The following CTNND1 variants were observed in gnomAD, a reference collection of about 807,000 sequenced individuals.
CTNND1 encodes catenin delta-1.
A neutral mutation model predicts 112.1 loss-of-function variants in CTNND1; 16 were observed. The ratio of observed to expected loss-of-function variants is 0.14; its 90% CI spans 0.10 to 0.22. CTNND1 has a LOEUF of 0.22. Among genes scored for constraint, CTNND1 ranks in the 10% least tolerant of loss-of-function variants. The pLI is 1.00. For synonymous variants in CTNND1, 420 were observed against 446.5 expected (o/e 0.94, Z 0.75); for missense variants, 1,008 against 1,257.0 (o/e 0.80, Z 3.00).
chr11:57,793,203 C>T (rs2060964066), intron 3 of CTNND1: 1 of 152,098 alleles, frequency 6.6e-6, no homozygotes, highest in Non-Finnish European at 1.5e-5. Context: ...GAAGAGTCTC[C>T]CAAGGTGGTT....
chr11:57,790,710 A>G (rs987698493), intron 2 of CTNND1, among the ~76,000 whole-genome samples: 16 of 149,970 alleles, frequency 1.1e-4, no homozygotes, highest in Admixed American at 6.1e-4. Flanking sequence ...GGCTCCCGCC[A>G]CCACGCCCGG....
Position 57,794,181 on chromosome 11 carries a change from G to A in CTNND1, c.267+100G>A, listed in dbSNP as rs1273012880. The stretch of plus-strand genomic sequence containing the variant: ...TGTCTTGTAAGGTGCCTGGCACATT[G>A]TACATACTCGTCAATTAGTTTCTTT... On this transcript the variant is annotated intron_variant, in intron 4 of 20. Coordinates refer to ENST00000399050, the MANE Select transcript of CTNND1 (RefSeq NM_001085458.2). 7 of 937,100 alleles carry A rather than the reference G, an allele frequency of 7.5e-6. No individual in the cohort carries two copies. The East Asian group carries it at 1.7e-4, about 23-fold the overall frequency. The allele number at this position is 937,100 out of a possible 1,614,324, so 58.0% of individuals were successfully genotyped here. A position where few individuals can be genotyped will look rare whatever the true frequency, so the allele number is the denominator to read the frequency against.
chr11:57,791,251 C>A, intron 2 of CTNND1, 134 bp from the exon 3 acceptor site: 1 of 612,110 alleles, frequency 1.6e-6, no homozygotes, highest in Non-Finnish European at 2.4e-6. Context: ...GATGGGCTCC[C>A]AGGCTTGGCG....
intron 1 of CTNND1, among the ~76,000 whole-genome samples, chr11:57,767,780 G>C (rs1382108867): frequency 6.6e-6 from 1 of 151,888 alleles, no homozygotes; most frequent in African/African-American, 2.4e-5. Context: ...TTTGCTATTA[G>C]AATGGATGCT....
At chr11:57,783,529 G>T (rs2059814644) in intron 1 of CTNND1, among the ~76,000 whole-genome samples, 1 of 151,728 alleles carries the variant, frequency 6.6e-6, no homozygotes, top group Admixed American at 6.6e-5. Flanking sequence ...CGTGTTGGCG[G>T]GCGCCTGTGG....
At chr11:57,796,143 G>A (rs1285610087) in intron 5 of CTNND1, among the ~76,000 whole-genome samples, 4 of 152,024 alleles carry the variant, frequency 2.6e-5, no homozygotes, top group Non-Finnish European at 5.9e-5. Context: ...TCCCAGCCCT[G>A]TGGGAGGCTG....
In CTNND1 at chr11:57,808,073, AACT is replaced by A. The variant is rs2062931825; in HGVS notation, c.1964-91_1964-89del. On this transcript the variant is annotated intron_variant, in intron 12 of 20. Transcript: ENST00000399050. ...GATGGTATAGAAGCATAAATCCATC[AACT>A]GAGAGTACTAAGGCTGGACTCCAGC... The A allele has an allele frequency of 1.5e-6, 2 of 1,372,642 alleles. 1 individual carries two copies. Among genetic ancestry groups the A allele is most frequent in the Non-Finnish European group, 2.0e-6 (2 of 1,011,804 alleles). 85.0% of individuals were successfully genotyped at this position (1,372,642 alleles called of 1,614,324 possible).
At position 57,803,728 on chromosome 11, in the gene CTNND1, C is replaced by T. The variant is rs371477627; in HGVS notation, c.1528C>T (p.Arg510Trp). Reference sequence around the variant, plus strand: ...GATCATTCCTCATTCTGGTTGGGAGCGGGAACCTAATGAAGACTGTAAGCC... The same window carrying T: ...GATCATTCCTCATTCTGGTTGGGAGTGGGAACCTAATGAAGACTGTAAGCC... Reference protein sequence around the residue: ...EVIIPHSGWEREPNEDCKPRH... With the variant: ...EVIIPHSGWEWEPNEDCKPRH... Residue 510 changes from arginine (R) to tryptophan (W), a missense_variant, in exon 8 of 21, where the codon CGG (arginine) becomes TGG (tryptophan). Coordinates refer to ENST00000399050, the MANE Select transcript of CTNND1 (RefSeq NM_001085458.2). 13 of 1,613,340 alleles carry T rather than the reference C, an allele frequency of 8.1e-6. No individual in the cohort carries two copies. Among genetic ancestry groups the T allele is most frequent in the Middle Eastern group, 3.3e-4 (2 of 6,060 alleles).
chr11:57,804,311 CT>C (rs1422190551), intron 8 of CTNND1, among the ~76,000 whole-genome samples: 8 of 152,156 alleles, frequency 5.3e-5, no homozygotes, highest in Admixed American at 2.0e-4. Context: ...TTCCTGAATT[CT>C]TTTTATATCC....
At chr11:57,798,150 C>A (rs939270021) in intron 6 of CTNND1, among the ~76,000 whole-genome samples, 1 of 152,002 alleles carries the variant, frequency 6.6e-6, no homozygotes, top group African/African-American at 2.4e-5. Flanking sequence ...AGATCGAGAT[C>A]ATCCTGGCTA....
intron 1 of CTNND1, among the ~76,000 whole-genome samples, chr11:57,774,823 C>T (rs963790942): frequency 5.9e-5 from 9 of 152,096 alleles, no homozygotes; most frequent in African/African-American, 2.2e-4. Context: ...AAGTGATTCT[C>T]GTGCCTTAGC....
rs1017091111 is a variant in CTNND1, at chr11:57,788,216, C to T, written c.-213-821C>T. 6.6e-6 allele frequency among the ~76,000 whole-genome samples: 1 copy of T among 151,840 alleles called. No homozygotes were observed. The highest frequency in any genetic ancestry group is 1.5e-5 in the Non-Finnish European group (1 of 67,976). On this transcript the variant is annotated intron_variant, in intron 1 of 20. Coordinates refer to ENST00000399050, the MANE Select transcript of CTNND1 (RefSeq NM_001085458.2). The surrounding 1 kb of genome is among the most constrained non-coding windows in gnomAD (Gnocchi z 4.1). ...AAGAAATGGAGATGAAAGGGGAGCA[C>T]CTTTTTTTTTAAAATAAGGGTGCTT... is the stretch of plus-strand genomic sequence containing the variant.
rs1388257798 is a variant in CTNND1 at position 57,795,633 on chromosome 11, T to C, written c.324T>C (p.Ile108=). 1 of 1,608,774 alleles carries C rather than the reference T, an allele frequency of 6.2e-7. No individual in the cohort carries two copies. The highest frequency in any genetic ancestry group is 1.4e-5 in the African/African-American group (1 of 74,072). Reference sequence around the variant, plus strand: ...CCAGGATGCAGGAGCCGGGGCAGATTGTGGAGACCTACACGGAGGAGGATC... The same window carrying C: ...CCAGGATGCAGGAGCCGGGGCAGATCGTGGAGACCTACACGGAGGAGGATC... The part of the protein sequence containing the change: ...TIPRMQEPGQ[I]VETYTEEDPE... Residue 108 remains isoleucine, a synonymous_variant, in exon 5 of 21, where the codon ATT becomes ATC. Transcript: ENST00000399050.
At position 57,809,387 on chromosome 11, in the gene CTNND1, A is replaced by G; in HGVS notation, c.2356A>G (p.Ile786Val). 6.2e-7 allele frequency: 1 copy of G among 1,614,008 alleles called. No homozygotes were observed. The highest frequency in any genetic ancestry group is 8.5e-7 in the Non-Finnish European group (1 of 1,179,854). The change falls in exon 15 of 21, where the codon ATC (isoleucine) becomes GTC (valine). Residue 786 changes from isoleucine to valine, a missense_variant. This residue lies in a region of CTNND1 where 254 missense variants were observed against 279.5 expected (regional missense o/e 0.91). Transcript: ENST00000399050. ...ISILNTINEV[I>V]AENLEAAKKL... The stretch of plus-strand genomic sequence containing the variant: ...TATTTTGAACACTATCAACGAGGTT[A>G]TCGCTGAGAACTTGGAGGCTGCCAA...
intron 14 of CTNND1, 139 bp downstream of exon 14, chr11:57,808,679 A>G (rs879762019): frequency 6.5e-6 from 5 of 772,370 alleles, no homozygotes; most frequent in Non-Finnish European, 9.4e-6. Flanking sequence ...TGAATGCGAG[A>G]GTTGGTAAGG....
intron 11 of CTNND1, 142 bp downstream of exon 11, chr11:57,806,620 C>T: frequency 1.3e-6 from 1 of 755,378 alleles, no homozygotes; most frequent in Non-Finnish European, 2.2e-6. Flanking sequence ...ACAAGTTTAG[C>T]TCTTTGGAGC....
At chr11:57,804,521 C>T in intron 8 of CTNND1, 142 bp from the exon 9 acceptor site, 1 of 624,620 alleles carries the variant, frequency 1.6e-6, no homozygotes. Flanking sequence ...AACTTTCTCT[C>T]AACTGCAGTA....
At chr11:57,773,738 ACCAG>A (rs2136128224) in intron 1 of CTNND1, among the ~76,000 whole-genome samples, 1 of 150,878 alleles carries the variant, frequency 6.6e-6, no homozygotes, top group Non-Finnish European at 1.5e-5. Context: ...GGAGTTAGAG[ACCAG>A]CCTGGCCAAC....
intron 1 of CTNND1, chr11:57,763,747 A>C (rs547748679): frequency 6.6e-6 from 1 of 152,182 alleles, no homozygotes; most frequent in African/African-American, 2.4e-5. Flanking sequence ...AGTGTTGGTC[A>C]TGTTGCTTCC....
Sources: allele counts gnomAD v4.1 joint callset (sites outside exome capture counted in the v4.1 genomes callset), GRCh38; gene constraint gnomAD v4.1.1; regional missense constraint gnomAD v4.1.1; non-coding constraint Gnocchi (gnomAD v3.1); transcripts MANE v1.5; gene names NCBI Gene and HGNC (gene_info 2026-07-23, HGNC 2026-07-21).